The following PLXNA4 variants were observed in gnomAD, a reference collection of about 807,000 sequenced individuals.
The protein encoded by PLXNA4 is plexin-A4.
Under a neutral mutation model 191.8 loss-of-function variants are expected in PLXNA4, and 44 were observed. That is an observed-to-expected ratio of 0.23 (90% CI 0.18 to 0.29). The LOEUF is 0.29. PLXNA4 is among the 10% of genes least tolerant of loss of function. The pLI is 1.00. For missense variants in PLXNA4, 1,800 were observed against 2,488.8 expected (o/e 0.72, Z 5.89); for synonymous variants, 1,082 against 1,009.5 (o/e 1.07, Z -1.36).
At chr7:132,579,643 A>G (rs1158414929), upstream of PLXNA4, among the ~76,000 whole-genome samples, 1 of 151,898 alleles carries the variant, frequency 6.6e-6, no homozygotes, top group Non-Finnish European at 1.5e-5. Flanking sequence ...TGGTGCCTGA[A>G]GAGTAATAAC....
At chr7:132,156,135 TACAC>T (rs57153762) in intron 25 of PLXNA4, among the ~76,000 whole-genome samples, 2,481 of 133,038 alleles carry the variant, frequency 0.019, 32 homozygotes, top group African/African-American at 0.035. Flanking sequence ...TTTCTGGACA[TACAC>T]ACACACACAC....
At chr7:132,447,756 G>A (rs1256368797) in intron 3 of PLXNA4, among the ~76,000 whole-genome samples, 1 of 152,010 alleles carries the variant, frequency 6.6e-6, no homozygotes, top group Non-Finnish European at 1.5e-5. Flanking sequence ...GGGAGGCCGA[G>A]TTGGGCAGAT....
In PLXNA4 at chr7:132,489,490, A is replaced by C; in HGVS notation, c.1189-16T>G. On this transcript the variant is annotated splice_polypyrimidine_tract_variant and intron_variant, in intron 2 of 31. Transcript: ENST00000321063. The stretch of plus-strand genomic sequence containing the variant: ...TGGTTAAGAGCTGCAAATTTTAAAA[A>C]GAGAAAAATTAGAAGGGAGCGTCAA... The C allele has an allele frequency of 6.5e-7, 1 of 1,534,878 alleles. No homozygotes were observed. Among genetic ancestry groups the C allele is most frequent in the Non-Finnish European group, 8.9e-7 (1 of 1,124,160 alleles).
chr7:132,233,696 C>G (rs1798598754), intron 5 of PLXNA4, among the ~76,000 whole-genome samples: 2 of 152,210 alleles, frequency 1.3e-5, no homozygotes, highest in South Asian at 4.1e-4. Flanking sequence ...TGAGTGGAGA[C>G]CCAAGAACCT....
At chr7:132,391,479 G>T (rs915028131) in intron 3 of PLXNA4, among the ~76,000 whole-genome samples, 2 of 152,224 alleles carry the variant, frequency 1.3e-5, no homozygotes, top group African/African-American at 4.8e-5. Flanking sequence ...GGATCCTGGG[G>T]CTAGCCAAAG....
chr7:132,580,473 G>A (rs965083060), upstream of PLXNA4, among the ~76,000 whole-genome samples: 1 of 152,154 alleles, frequency 6.6e-6, no homozygotes, highest in Admixed American at 6.5e-5. Flanking sequence ...AACTGGTTAT[G>A]TCATTGTCTG....
intron 4 of PLXNA4, among the ~76,000 whole-genome samples, chr7:132,288,959 G>A (rs755743021): frequency 1.8e-4 from 28 of 152,178 alleles, no homozygotes; most frequent in Admixed American, 3.3e-4. Context: ...AAATGGTAAT[G>A]ACTCCTTCAT....
chr7:132,174,913 G>A lies in PLXNA4; in HGVS notation c.3882C>T (p.Ala1294=), dbSNP rs765580691. Residue 1294 remains alanine, a synonymous_variant, in exon 21 of 32, where the codon GCC becomes GCT. Transcript: ENST00000321063. The part of the protein sequence containing the change: ...RVALECKEAF[A]ELQTDIHELT... ...GCTCATGGATGTCCGTCTGCAGCTCGGCAAAGGCTGGCACGAAGAGAAGCC... is the reference window on the plus strand; with the variant it reads ...GCTCATGGATGTCCGTCTGCAGCTCAGCAAAGGCTGGCACGAAGAGAAGCC... The A allele has an allele frequency of 1.6e-5, 26 of 1,613,848 alleles. No homozygotes were observed. The highest frequency in any genetic ancestry group is 1.6e-4 in the Middle Eastern group (1 of 6,080).
In PLXNA4 at chr7:132,202,816, C is replaced by T; in HGVS notation, c.2416G>A (p.Ala806Thr). 6.3e-7 allele frequency: 1 copy of T among 1,596,026 alleles called. No homozygotes were observed. The highest frequency in any genetic ancestry group is 2.2e-5 in the East Asian group (1 of 44,538). The stretch of plus-strand genomic sequence containing the variant: ...CACAGCCCGCAGCTCTCACGCATGG[C>T]TCCACACTTGTAGAGGTGAACTGCA... ...QNKVHLYKCG[A>T]MRESCGLCLK... The change falls in exon 12 of 32, where the codon GCC becomes ACC. Residue 806 changes from alanine (A) to threonine (T), a missense_variant. By Grantham distance (58) the Ala-to-Thr change is moderately conservative (BLOSUM62 0). Around this residue, in one of 6 missense-constraint regions of PLXNA4, gnomAD observed 1,397 missense variants for 1,880.4 expected, o/e 0.74. Transcript: ENST00000321063.
At chr7:132,618,030 C>G (rs754725892) in intron 2 of PLXNA4, among the ~76,000 whole-genome samples, 7 of 152,156 alleles carry the variant, frequency 4.6e-5, no homozygotes, top group Non-Finnish European at 7.3e-5. Context: ...GAAGGCAGAC[C>G]CTTCATCTTA....
At chr7:132,454,849 C>A (rs767850565) in intron 3 of PLXNA4, among the ~76,000 whole-genome samples, 1 of 152,084 alleles carries the variant, frequency 6.6e-6, no homozygotes, top group Non-Finnish European at 1.5e-5. Context: ...ACCAGGAGAG[C>A]GAAGGAATAA....
At position 132,259,461 on chromosome 7, in the gene PLXNA4, A is replaced by G. The variant is rs868311168; in HGVS notation, c.1504-18295T>C. Among the ~76,000 whole-genome samples the G allele has an allele frequency of 5.9e-3, 829 of 139,820 alleles. 46 individuals carry two copies. Among genetic ancestry groups the G allele is most frequent in the African/African-American group, 0.021 (759 of 36,294 alleles). The allele number at this position is 139,820 out of a possible 152,430, so 91.7% of individuals were successfully genotyped here. On this transcript the variant is annotated intron_variant, in intron 4 of 31. Coordinates refer to ENST00000321063, the MANE Select transcript of PLXNA4 (RefSeq NM_020911.2). ...CAAAAAAAAAAAAAAAAAAAAAAAA[A>G]AAAAAAAAAAAAGAAAAAAGGAAAA... is the stretch of plus-strand genomic sequence containing the variant.
intron 25 of PLXNA4, among the ~76,000 whole-genome samples, chr7:132,153,826 C>G (rs1253642363): frequency 6.6e-6 from 1 of 151,988 alleles, no homozygotes; most frequent in Non-Finnish European, 1.5e-5. Flanking sequence ...AGGGCACCCA[C>G]ACATGTACAC....
At position 132,417,123 on chromosome 7, in the gene PLXNA4, G is replaced by A. The variant is rs568174265; in HGVS notation, c.1371+72169C>T. Among the ~76,000 whole-genome samples, 9 of 152,124 alleles carry A rather than the reference G, an allele frequency of 5.9e-5. No homozygotes were observed. In the South Asian group the frequency reaches 1.7e-3, roughly 28 times the overall value. Reference sequence around the variant, plus strand: ...GTATGCCCACTCTACAGGGACTCCCGCTTCCCCCTGGCCTCAAAGATCATT... The same window carrying A: ...GTATGCCCACTCTACAGGGACTCCCACTTCCCCCTGGCCTCAAAGATCATT... On this transcript the variant is annotated intron_variant, in intron 3 of 31. Transcript: ENST00000321063.
intron 3 of PLXNA4, among the ~76,000 whole-genome samples, chr7:132,420,996 T>C (rs1487718663): frequency 1.3e-5 from 2 of 152,238 alleles, no homozygotes; most frequent in Non-Finnish European, 2.9e-5. Context: ...TATGTCTTTA[T>C]CAGCAGTGTG....
chr7:132,343,575 A>T (rs1803123506), intron 3 of PLXNA4, among the ~76,000 whole-genome samples: 1 of 152,218 alleles, frequency 6.6e-6, no homozygotes, highest in Non-Finnish European at 1.5e-5. Context: ...GCTTAAAGTC[A>T]CAAGTGGGAA....
intron 3 of PLXNA4, among the ~76,000 whole-genome samples, chr7:132,481,065 G>A (rs1033266695): frequency 6.6e-6 from 1 of 152,088 alleles, no homozygotes; most frequent in Non-Finnish European, 1.5e-5. Context: ...GTCCAGTTTT[G>A]TTTTTCTTGG....
At chr7:132,475,341 T>C (rs1797081972) in intron 3 of PLXNA4, among the ~76,000 whole-genome samples, 1 of 152,170 alleles carries the variant, frequency 6.6e-6, no homozygotes, top group Admixed American at 6.5e-5. Flanking sequence ...CTTAGAGCTC[T>C]TTATGTGCCC....
At chr7:132,267,547 G>A (rs1799903719) in intron 4 of PLXNA4, among the ~76,000 whole-genome samples, 1 of 152,170 alleles carries the variant, frequency 6.6e-6, no homozygotes, top group Non-Finnish European at 1.5e-5. Flanking sequence ...CTGCTGTTAA[G>A]CTACATGGTG....
Sources: gnomAD v4.1 joint callset for allele counts (sites outside exome capture counted in the v4.1 genomes callset) on GRCh38, gnomAD v4.1.1 for gene constraint, gnomAD v4.1.1 regional missense constraint, MANE v1.5 for transcripts, NCBI Gene and HGNC (gene_info 2026-07-23, HGNC 2026-07-21) for gene names.